The following RFC3 variants were observed in gnomAD, a reference collection of about 807,000 sequenced individuals.
The protein encoded by RFC3 is replication factor C subunit 3.
RFC3 carries 41 observed loss-of-function variants against 45.1 expected under a neutral mutation model. That is an observed-to-expected ratio of 0.91 (90% CI 0.71 to 1.18). RFC3 has a LOEUF of 1.18. Among genes scored for constraint, RFC3 ranks in the 50% most tolerant of loss-of-function variants. The pLI is 0.00. For missense variants in RFC3, 423 were observed against 428.1 expected, an observed-to-expected ratio of 0.99 and a Z score of 0.10; for synonymous variants, 149 against 144.0, an observed-to-expected ratio of 1.03 and a Z score of -0.25.
intron 8 of RFC3, among the ~76,000 whole-genome samples, chr13:33,913,625 A>G (rs1472096248): frequency 6.6e-6 from 1 of 152,102 alleles, no homozygotes; most frequent in Non-Finnish European, 1.5e-5. Context: ...AAATGAGATG[A>G]CACTACCTAG....
At chr13:33,899,632 G>A (rs530897807) in intron 8 of RFC3, among the ~76,000 whole-genome samples, 5 of 151,790 alleles carry the variant, frequency 3.3e-5, no homozygotes, top group Non-Finnish European at 7.4e-5. Flanking sequence ...AGACAAGGAT[G>A]CCCACTTTCA....
intron 8 of RFC3, among the ~76,000 whole-genome samples, chr13:33,937,217 C>T (rs574782537): frequency 2.8e-4 from 43 of 152,278 alleles, no homozygotes; most frequent in Middle Eastern, 3.4e-3. Context: ...TATACAAATA[C>T]TTACCATTCT....
intron 8 of RFC3, among the ~76,000 whole-genome samples, chr13:33,921,562 A>G (rs765633536): frequency 6.6e-6 from 1 of 152,122 alleles, no homozygotes; most frequent in Non-Finnish European, 1.5e-5. Context: ...AGGAGATTGC[A>G]TTTGTTACAT....
At chr13:33,858,086 G>A (rs1474269358) in intron 8 of RFC3, among the ~76,000 whole-genome samples, 1 of 152,198 alleles carries the variant, frequency 6.6e-6, no homozygotes, top group African/African-American at 2.4e-5. Context: ...TGTGAAATAA[G>A]GATGGAGCGG....
chr13:33,893,677 AAATAAT>A (rs934879789), intron 8 of RFC3, among the ~76,000 whole-genome samples: 2 of 152,078 alleles, frequency 1.3e-5, no homozygotes, highest in Non-Finnish European at 2.9e-5. Flanking sequence ...ATGAAGACTG[AAATAAT>A]AATAATAAAA....
chr13:33,895,831 A>G (rs1316729464), intron 8 of RFC3, among the ~76,000 whole-genome samples: 12 of 152,198 alleles, frequency 7.9e-5, no homozygotes, highest in Admixed American at 7.9e-4. Flanking sequence ...AGCCATAAAA[A>G]CGAACAAAAA....
chr13:33,860,936 C>G (rs1283439062), intron 8 of RFC3, among the ~76,000 whole-genome samples: 1 of 151,302 alleles, frequency 6.6e-6, no homozygotes, highest in Non-Finnish European at 1.5e-5. Flanking sequence ...AGGTCTTGCT[C>G]TGTTACCCAG....
At chr13:33,926,418 C>T (rs1209279085) in intron 8 of RFC3, among the ~76,000 whole-genome samples, 2 of 151,622 alleles carry the variant, frequency 1.3e-5, no homozygotes, top group Non-Finnish European at 2.9e-5. Flanking sequence ...TAACAAATGT[C>T]GGTTGTAATT....
At position 33,958,979 on chromosome 13, in the gene RFC3, A is replaced by G. The variant is rs559677434; in HGVS notation, c.880-7108A>G. Among the ~76,000 whole-genome samples the G allele has an allele frequency of 6.6e-5, 10 of 152,316 alleles. No homozygotes were observed. The South Asian group carries it at 1.7e-3, about 25-fold the overall frequency. On this transcript the variant is annotated intron_variant, in intron 8 of 8. Transcript: ENST00000434425. ...TAAATGTCACTTATATTAGTTCCAC[A>G]GAACTATTATTTTAAAAAATTCTGC...
the RFC3 span, among the ~76,000 whole-genome samples, chr13:33,973,254 A>T: frequency 6.6e-6 from 1 of 152,200 alleles, no homozygotes; most frequent in Non-Finnish European, 1.5e-5. Context: ...AAGATATCTT[A>T]AAGGAGGAGA....
chr13:33,822,236 A>G (rs1417748801), intron 2 of RFC3, among the ~76,000 whole-genome samples: 2 of 152,226 alleles, frequency 1.3e-5, no homozygotes, highest in African/African-American at 2.4e-5. Context: ...AGAAACTAAT[A>G]TCTTATAGAG....
chr13:33,914,260 T>C (rs897927162), intron 8 of RFC3, among the ~76,000 whole-genome samples: 5 of 152,148 alleles, frequency 3.3e-5, no homozygotes, highest in East Asian at 3.9e-4. Context: ...GCTAGACAAA[T>C]GCTTTATTCT....
intron 8 of RFC3, among the ~76,000 whole-genome samples, chr13:33,879,230 A>G (rs542207886): frequency 1.3e-5 from 2 of 152,374 alleles, no homozygotes; most frequent in South Asian, 4.1e-4. Context: ...ACTAGACACA[A>G]TAGAACAATT....
chr13:33,846,148 C>T (rs1326931285), intron 8 of RFC3: 1 of 152,118 alleles, frequency 6.6e-6, no homozygotes, highest in African/African-American at 2.4e-5. Context: ...TGCTGAGTTG[C>T]CTGGAGCTAG....
intron 8 of RFC3, among the ~76,000 whole-genome samples, chr13:33,952,421 G>T (rs373592473): frequency 4.9e-4 from 56 of 115,172 alleles, no homozygotes; most frequent in African/African-American, 1.7e-3. Flanking sequence ...TCTGAAATAG[G>T]AATTTTTGGA....
intron 4 of RFC3, among the ~76,000 whole-genome samples, chr13:33,827,510 A>G (rs1234658621): frequency 6.6e-5 from 10 of 152,174 alleles, no homozygotes; most frequent in Non-Finnish European, 1.5e-4. Context: ...TATTATAAGA[A>G]ATTTAGTTGA....
At chr13:33,936,292 C>G (rs2082885877) in intron 8 of RFC3, among the ~76,000 whole-genome samples, 1 of 151,928 alleles carries the variant, frequency 6.6e-6, no homozygotes, top group African/African-American at 2.4e-5. Context: ...ACCGTTAACC[C>G]CTAGATTGGA....
chr13:33,866,539 A>G (rs947716629), intron 8 of RFC3, among the ~76,000 whole-genome samples: 3 of 152,188 alleles, frequency 2.0e-5, no homozygotes, highest in South Asian at 2.1e-4. Context: ...AGCTTTTGTA[A>G]TGGAGAGTCA....
At chr13:33,834,298 GTATATATATATA>G (rs58858615) in intron 7 of RFC3, among the ~76,000 whole-genome samples, 55 of 109,206 alleles carry the variant, frequency 5.0e-4, no homozygotes, top group East Asian at 8.9e-4. Flanking sequence ...TGTACTGTGT[GTATATATATATA>G]TATATATATA....
Sources: allele counts gnomAD v4.1 joint callset (sites outside exome capture counted in the v4.1 genomes callset), GRCh38; gene constraint gnomAD v4.1.1; transcripts MANE v1.5; gene names NCBI Gene and HGNC (gene_info 2026-07-23, HGNC 2026-07-21).